CNBD1: variants seen among roughly 807,000 people sequenced by gnomAD.
CNBD1 encodes cyclic nucleotide-binding domain-containing protein 1.
In CNBD1, 71 loss-of-function variants were observed where a neutral mutation model predicts 54.4. That is an observed-to-expected ratio of 1.30 (90% CI 1.08 to 1.59). CNBD1 has a LOEUF of 1.59. CNBD1 is among the 40% of genes most tolerant of loss of function. CNBD1 has a pLI of 0.00. For missense variants in CNBD1, 659 were observed against 518.0 expected, an observed-to-expected ratio of 1.27 and a Z score of -2.64; for synonymous variants, 182 against 170.7, an observed-to-expected ratio of 1.07 and a Z score of -0.51.
At chr8:87,370,652 A>G (rs368279893) in intron 10 of CNBD1, among the ~76,000 whole-genome samples, 7 of 151,552 alleles carry the variant, frequency 4.6e-5, no homozygotes, top group South Asian at 2.1e-4. Flanking sequence ...AGTAGGTTGC[A>G]AAAATTTTCT....
At chr8:86,893,983 A>G (rs1250952309) in intron 2 of CNBD1, among the ~76,000 whole-genome samples, 1 of 148,846 alleles carries the variant, frequency 6.7e-6, no homozygotes, top group Non-Finnish European at 1.5e-5. Context: ...TCTTAATTCC[A>G]CATTATGTAC....
chr8:86,969,273 C>CT (rs1423266663), intron 4 of CNBD1, among the ~76,000 whole-genome samples: 25 of 152,060 alleles, frequency 1.6e-4, no homozygotes, highest in African/African-American at 6.0e-4. Flanking sequence ...TTAAAAACAA[C>CT]TTTTCCACAG....
intron 2 of CNBD1, among the ~76,000 whole-genome samples, chr8:87,398,222 A>ATT (rs1811443969): frequency 4.3e-5 from 5 of 115,998 alleles, no homozygotes; most frequent in African/African-American, 2.1e-4. Flanking sequence ...TTTCTTATAA[A>ATT]TCTATTTTCT....
intron 5 of CNBD1, among the ~76,000 whole-genome samples, chr8:87,226,097 C>T (rs1005607212): frequency 3.0e-4 from 46 of 152,128 alleles, no homozygotes; most frequent in Non-Finnish European, 6.3e-4. Flanking sequence ...TCCCCTTTAC[C>T]ATTTTTTATT....
chr8:87,270,152 T>C (rs9886416), intron 6 of CNBD1, among the ~76,000 whole-genome samples: 107,454 of 151,756 alleles, frequency 0.71, 38,588 homozygotes, highest in African/African-American at 0.78. Flanking sequence ...GAATTAATAA[T>C]AAAAACCACA....
chr8:87,312,217 A>G (rs768071923), intron 8 of CNBD1, among the ~76,000 whole-genome samples: 2 of 152,048 alleles, frequency 1.3e-5, no homozygotes, highest in Non-Finnish European at 2.9e-5. Flanking sequence ...AAACTACTAT[A>G]TCGATATTTT....
intron 6 of CNBD1, among the ~76,000 whole-genome samples, chr8:87,270,317 C>G (rs1305962322): frequency 6.6e-6 from 1 of 151,856 alleles, no homozygotes; most frequent in African/African-American, 2.4e-5. Context: ...TAAACAGACA[C>G]TTTTCAAAAG....
At chr8:87,288,142 A>G (rs1808729944) in intron 8 of CNBD1, among the ~76,000 whole-genome samples, 2 of 152,024 alleles carry the variant, frequency 1.3e-5, no homozygotes, top group Non-Finnish European at 2.9e-5. Context: ...TGATTCAAGT[A>G]CCTGTAATGA....
At chr8:87,392,472 A>T (rs2130970669) in intron 2 of CNBD1, among the ~76,000 whole-genome samples, 1 of 152,194 alleles carries the variant, frequency 6.6e-6, no homozygotes, top group South Asian at 2.1e-4. Context: ...ATATTCAGCA[A>T]TAAGAAGGAA....
intron 5 of CNBD1, among the ~76,000 whole-genome samples, chr8:87,217,730 C>T (rs1358598118): frequency 6.6e-6 from 1 of 151,760 alleles, no homozygotes; most frequent in East Asian, 1.9e-4. Context: ...AATTCTAAAG[C>T]TCATATTATT....
At chr8:87,381,206 A>G (rs545481534) in intron 10 of CNBD1, among the ~76,000 whole-genome samples, 20 of 152,174 alleles carry the variant, frequency 1.3e-4, no homozygotes, top group African/African-American at 4.6e-4. Context: ...TAATAACTCA[A>G]TTTAAAAATA....
chr8:87,058,328 A>G (rs61571027), intron 4 of CNBD1, among the ~76,000 whole-genome samples: 28,310 of 152,080 alleles, frequency 0.19, 2,842 homozygotes, highest in Non-Finnish European at 0.23. Context: ...CATGTGGTGC[A>G]AGCTGTCAGT....
chr8:87,225,451 G>T (rs1225033721), intron 5 of CNBD1, among the ~76,000 whole-genome samples: 36 of 151,546 alleles, frequency 2.4e-4, no homozygotes, highest in Admixed American at 1.4e-3. Context: ...TAGCATGAAG[G>T]GTTGTTGAAT....
chr8:87,340,067 G>T (rs1230869958), intron 8 of CNBD1, among the ~76,000 whole-genome samples: 1 of 152,072 alleles, frequency 6.6e-6, no homozygotes, highest in Non-Finnish European at 1.5e-5. Context: ...TTTTGCCTAA[G>T]GCAGGTCTAG....
intron 8 of CNBD1, among the ~76,000 whole-genome samples, chr8:87,327,215 G>C (rs1668059966): frequency 6.9e-6 from 1 of 145,312 alleles, no homozygotes; most frequent in Non-Finnish European, 1.5e-5. Flanking sequence ...AAAGCTGTCA[G>C]ACAGGGACAT....
At chr8:86,890,940 GT>G (rs920105134) in intron 2 of CNBD1, among the ~76,000 whole-genome samples, 13 of 138,244 alleles carry the variant, frequency 9.4e-5, no homozygotes, top group East Asian at 2.2e-4. Context: ...ATTTTTAATT[GT>G]TTTTTTTTCC....
intron 3 of CNBD1, among the ~76,000 whole-genome samples, chr8:86,925,730 CAAAAAA>C (rs71275895): frequency 7.1e-6 from 1 of 141,694 alleles, no homozygotes; most frequent in Non-Finnish European, 1.5e-5. Context: ...AAAAAAATAC[CAAAAAA>C]AAAAAAAAAA....
intron 8 of CNBD1, among the ~76,000 whole-genome samples, chr8:87,312,879 T>C (rs1164671695): frequency 6.6e-6 from 1 of 152,032 alleles, no homozygotes; most frequent in African/African-American, 2.4e-5. Flanking sequence ...CACAGGAGTT[T>C]TTAGGAAGAT....
intron 2 of CNBD1, among the ~76,000 whole-genome samples, chr8:86,899,991 C>T (rs960726171): frequency 6.6e-6 from 1 of 152,080 alleles, no homozygotes; most frequent in African/African-American, 2.4e-5. Context: ...GGTCACATCT[C>T]AAGTATCCAC....
Sources: allele counts gnomAD v4.1 joint callset (sites outside exome capture counted in the v4.1 genomes callset), GRCh38; gene constraint gnomAD v4.1.1; transcripts MANE v1.5; gene names NCBI Gene and HGNC (gene_info 2026-07-23, HGNC 2026-07-21).